The following DPP10 variants were observed in gnomAD, a reference collection of about 807,000 sequenced individuals.
DPP10 encodes the protein inactive dipeptidyl peptidase 10.
A neutral mutation model predicts 120.9 loss-of-function variants in DPP10; 33 were observed. The observed-to-expected ratio is 0.27, with a 90% CI of 0.21 to 0.37. The LOEUF is 0.37. DPP10 is among the 10% of genes least tolerant of loss of function. The pLI is 1.00. For missense variants in DPP10, 816 were observed against 942.8 expected (o/e 0.87, Z 1.76); for synonymous variants, 337 against 326.1 (o/e 1.03, Z -0.36).
At chr2:115,747,602 T>G (rs954470190) in intron 10 of DPP10, among the ~76,000 whole-genome samples, 2 of 151,278 alleles carry the variant, frequency 1.3e-5, no homozygotes, top group African/African-American at 4.8e-5. Flanking sequence ...GTCTTTTTTT[T>G]TTTTTTCTTG....
At chr2:114,605,614 C>T (rs1692721901) in intron 1 of DPP10, among the ~76,000 whole-genome samples, 1 of 152,010 alleles carries the variant, frequency 6.6e-6, no homozygotes, top group African/African-American at 2.4e-5. Flanking sequence ...TTTGGGGAGT[C>T]AAAAGTTGTA....
At chr2:114,911,978 G>A (rs1323940199) in intron 1 of DPP10, among the ~76,000 whole-genome samples, 1 of 152,098 alleles carries the variant, frequency 6.6e-6, no homozygotes, top group Non-Finnish European at 1.5e-5. Context: ...GCACATTCAG[G>A]GCTTTTTGAG....
At position 115,063,005 on chromosome 2, in the gene DPP10, C is replaced by T. The variant is rs1349311102; in HGVS notation, c.61-246234C>T. Among the ~76,000 whole-genome samples, 4 of 152,156 alleles carry T rather than the reference C, an allele frequency of 2.6e-5. No individual in the cohort carries two copies. The East Asian group carries it at 7.7e-4, about 29-fold the overall frequency. ...TGGTTAAACTAATTTACATTCCCAC[C>T]AACACTGTAAAAGCGTTCCTATTGG... On this transcript the variant is annotated intron_variant, in intron 1 of 25. Coordinates refer to ENST00000410059, the MANE Select transcript of DPP10 (RefSeq NM_020868.6).
rs994236074 is a variant in DPP10, at chr2:114,672,362, T to A, written c.60+229524T>A. 3.9e-5 allele frequency among the ~76,000 whole-genome samples: 6 copies of A among 152,308 alleles called. 1 individual carries two copies. In the Middle Eastern group the frequency reaches 0.017, roughly 432 times the overall value. On this transcript the variant is annotated intron_variant, in intron 1 of 25. Coordinates refer to ENST00000410059, the MANE Select transcript of DPP10 (RefSeq NM_020868.6). ...AGTTATCCCTTTTTCTGTCTTTCTCTTTCTCCCCCCATTTCCTTCCCATTC... is the reference window on the plus strand; with the variant it reads ...AGTTATCCCTTTTTCTGTCTTTCTCATTCTCCCCCCATTTCCTTCCCATTC...
intron 1 of DPP10, among the ~76,000 whole-genome samples, chr2:114,877,277 C>G (rs1467253911): frequency 6.6e-6 from 1 of 152,022 alleles, no homozygotes; most frequent in Non-Finnish European, 1.5e-5. Flanking sequence ...CAAGGCTTAT[C>G]CTATCTTTCT....
chr2:115,101,110 C>T (rs567467968), intron 1 of DPP10, among the ~76,000 whole-genome samples: 1 of 152,250 alleles, frequency 6.6e-6, no homozygotes, highest in East Asian at 1.9e-4. Context: ...CAGGTATGTG[C>T]TGTGGGAGGG....
At chr2:115,035,901 C>G (rs1704198000) in intron 1 of DPP10, among the ~76,000 whole-genome samples, 1 of 152,116 alleles carries the variant, frequency 6.6e-6, no homozygotes, top group Non-Finnish European at 1.5e-5. Flanking sequence ...GTGCAATGCT[C>G]CCTATGTTTG....
intron 12 of DPP10, among the ~76,000 whole-genome samples, chr2:115,765,923 G>A (rs879168851): frequency 6.6e-6 from 1 of 152,020 alleles, no homozygotes; most frequent in Admixed American, 6.6e-5. Flanking sequence ...TCATAAGGCA[G>A]TTAAGGAAAA....
chr2:115,393,340 G>T (rs1000955602), intron 3 of DPP10, among the ~76,000 whole-genome samples: 8 of 151,826 alleles, frequency 5.3e-5, no homozygotes, highest in African/African-American at 1.9e-4. Context: ...TATGTGAATA[G>T]ATAAGATTAA....
intron 2 of DPP10, among the ~76,000 whole-genome samples, chr2:115,315,069 A>G (rs960048258): frequency 2.6e-5 from 4 of 152,066 alleles, no homozygotes; most frequent in African/African-American, 9.7e-5. Context: ...AGTATAGTAG[A>G]TAGAGTGACT....
chr2:115,033,855 T>C (rs1025372630), intron 1 of DPP10, among the ~76,000 whole-genome samples: 8 of 151,470 alleles, frequency 5.3e-5, no homozygotes, highest in Non-Finnish European at 1.2e-4. Context: ...CGTGAGCCAC[T>C]GTGCCTGTCC....
chr2:115,074,623 A>G (rs1344392755), intron 1 of DPP10, among the ~76,000 whole-genome samples: 1 of 152,196 alleles, frequency 6.6e-6, no homozygotes, highest in African/African-American at 2.4e-5. Context: ...ATGTAAAATA[A>G]CTAAGGATGG....
intron 1 of DPP10, among the ~76,000 whole-genome samples, chr2:114,940,122 A>G (rs769837765): frequency 2.0e-5 from 3 of 152,158 alleles, no homozygotes; most frequent in Non-Finnish European, 4.4e-5. Context: ...AAACATTCAT[A>G]ACGTGTGTGT....
chr2:114,882,690 T>C (rs1422289580), intron 1 of DPP10, among the ~76,000 whole-genome samples: 1 of 151,892 alleles, frequency 6.6e-6, no homozygotes, highest in Non-Finnish European at 1.5e-5. Context: ...AATAAAAAAA[T>C]ATGAATGCAG....
intron 7 of DPP10, among the ~76,000 whole-genome samples, chr2:115,720,411 A>C (rs929793752): frequency 3.3e-5 from 5 of 152,160 alleles, no homozygotes; most frequent in Non-Finnish European, 7.4e-5. Flanking sequence ...TTAGAGGAGG[A>C]AACTTTTCTT....
intron 1 of DPP10, among the ~76,000 whole-genome samples, chr2:115,006,514 T>G (rs1179027830): frequency 6.7e-6 from 1 of 149,718 alleles, no homozygotes; most frequent in East Asian, 2.0e-4. Flanking sequence ...AATAAAAGGA[T>G]GGAGGAAGAT....
chr2:114,966,629 C>G (rs1273146274), intron 1 of DPP10, among the ~76,000 whole-genome samples: 4 of 152,220 alleles, frequency 2.6e-5, no homozygotes, highest in Non-Finnish European at 5.9e-5. Flanking sequence ...TATTCTGTTA[C>G]AGCAACACAC....
At chr2:115,510,088 T>A (rs2077146808) in intron 4 of DPP10, among the ~76,000 whole-genome samples, 1 of 152,178 alleles carries the variant, frequency 6.6e-6, no homozygotes, top group Non-Finnish European at 1.5e-5. Flanking sequence ...TTTTCATATA[T>A]TATAAATCAA....
At chr2:114,928,394 T>G (rs200505349) in intron 1 of DPP10, among the ~76,000 whole-genome samples, 1 of 152,244 alleles carries the variant, frequency 6.6e-6, no homozygotes, top group East Asian at 1.9e-4. Context: ...CCCACACAAG[T>G]CTGAAAATCA....
Sources: gnomAD v4.1 joint callset for allele counts (sites outside exome capture counted in the v4.1 genomes callset) on GRCh38, gnomAD v4.1.1 for gene constraint, MANE v1.5 for transcripts, NCBI Gene and HGNC (gene_info 2026-07-23, HGNC 2026-07-21) for gene names.